Variants in CACNB2 observed in about 807,000 individuals in gnomAD.
CACNB2 encodes voltage-dependent L-type calcium channel subunit beta-2.
Under a neutral mutation model 73.3 loss-of-function variants are expected in CACNB2, and 42 were observed. The observed-to-expected ratio is 0.57, with a 90% CI of 0.45 to 0.74. The LOEUF (loss-of-function observed/expected upper bound fraction) is 0.74, where lower values mean the gene tolerates loss of function less well. Ranked by LOEUF, CACNB2 falls within the 30% of genes least tolerant of loss-of-function variation. The probability of loss-of-function intolerance (pLI) is 0.00; values close to 1 mark genes in which losing one functional copy is unlikely to be tolerated. For synonymous variants in CACNB2, 348 were observed against 310.3 expected (o/e 1.12, Z -1.28); for missense variants, 940 against 853.0 (o/e 1.10, Z -1.27).
chr10:18,218,617 C>T (rs2035605487), intron 2 of CACNB2, among the ~76,000 whole-genome samples: 1 of 152,190 alleles, frequency 6.6e-6, no homozygotes. Context: ...CACAGTGGCT[C>T]ATGCCTGTAA....
intron 2 of CACNB2, among the ~76,000 whole-genome samples, chr10:18,342,461 T>A (rs2041271758): frequency 1.3e-5 from 2 of 152,220 alleles, no homozygotes; most frequent in South Asian, 4.1e-4. Flanking sequence ...GATCTGTGTC[T>A]ACAGAAATAA....
chr10:18,340,812 G>A, intron 2 of CACNB2: 2 of 1,607,754 alleles, frequency 1.2e-6, no homozygotes, highest in Non-Finnish European at 1.7e-6. Context: ...AAGGAAAGCA[G>A]TTGCTATGCT....
At chr10:18,153,553 C>T (rs10740993) in intron 2 of CACNB2, among the ~76,000 whole-genome samples, 75,513 of 150,672 alleles carry the variant, frequency 0.5, 19,272 homozygotes, top group African/African-American at 0.6. Flanking sequence ...AATGGGCACA[C>T]TAGATTTTAC....
chr10:18,412,444 C>T (rs2044688342), intron 3 of CACNB2, among the ~76,000 whole-genome samples: 1 of 152,130 alleles, frequency 6.6e-6, no homozygotes, highest in Non-Finnish European at 1.5e-5. Flanking sequence ...CCAACCTTAT[C>T]ACCCCAGGCT....
chr10:18,506,338 T>G, intron 5 of CACNB2, 133 bp from the exon 6 acceptor site: 1 of 684,156 alleles, frequency 1.5e-6, no homozygotes, highest in South Asian at 1.6e-5. Context: ...TGGGAAATAT[T>G]GTTTTCCTCC....
intron 2 of CACNB2, among the ~76,000 whole-genome samples, chr10:18,184,747 A>G (rs2034070067): frequency 6.8e-6 from 1 of 147,242 alleles, no homozygotes; most frequent in African/African-American, 2.5e-5. Flanking sequence ...AAGTTCTAGG[A>G]TACAGGTGCA....
intron 2 of CACNB2, among the ~76,000 whole-genome samples, chr10:18,344,076 A>C (rs1284089113): frequency 6.6e-6 from 1 of 151,958 alleles, no homozygotes; most frequent in Non-Finnish European, 1.5e-5. Context: ...CAAAAAAAAA[A>C]AAAAAAAGAA....
At chr10:18,413,559 A>C (rs1271349166) in intron 3 of CACNB2, among the ~76,000 whole-genome samples, 2 of 151,900 alleles carry the variant, frequency 1.3e-5, no homozygotes, top group Non-Finnish European at 2.9e-5. Context: ...TTCCATTCTC[A>C]TTACCTCCAT....
intron 2 of CACNB2, among the ~76,000 whole-genome samples, chr10:18,238,961 G>A (rs540166564): frequency 6.6e-6 from 1 of 152,134 alleles, no homozygotes; most frequent in Admixed American, 6.5e-5. Flanking sequence ...TTACAGAGGC[G>A]ATGTGAACCC....
chr10:18,457,033 T>C (rs2047317634), intron 3 of CACNB2, among the ~76,000 whole-genome samples: 1 of 152,166 alleles, frequency 6.6e-6, no homozygotes, highest in Admixed American at 6.5e-5. Context: ...ATCATGACTT[T>C]TGGCTACTGT....
chr10:18,378,735 CT>C (rs1221912499), intron 2 of CACNB2, among the ~76,000 whole-genome samples: 1 of 152,010 alleles, frequency 6.6e-6, no homozygotes, highest in Non-Finnish European at 1.5e-5. Flanking sequence ...TGGGGAAACC[CT>C]GTCTCAAAAA....
chr10:18,221,786 T>C (rs1050430471), intron 2 of CACNB2, among the ~76,000 whole-genome samples: 4 of 152,248 alleles, frequency 2.6e-5, no homozygotes, highest in Admixed American at 2.6e-4. Context: ...GAAAATCATA[T>C]CTTTCTCTCC....
At chr10:18,419,647 G>A (rs111435242) in intron 3 of CACNB2, among the ~76,000 whole-genome samples, 2 of 152,274 alleles carry the variant, frequency 1.3e-5, no homozygotes, top group African/African-American at 4.8e-5. Context: ...GTTCTTGAAT[G>A]TCACATGGGA....
At chr10:18,290,855 C>T (rs1178906342) in intron 2 of CACNB2, among the ~76,000 whole-genome samples, 1 of 152,178 alleles carries the variant, frequency 6.6e-6, no homozygotes, top group Admixed American at 6.5e-5. Context: ...CCTGGATCTG[C>T]GCTGTTAATC....
chr10:18,358,963 A>C (rs2042041821), intron 2 of CACNB2, among the ~76,000 whole-genome samples: 1 of 152,106 alleles, frequency 6.6e-6, no homozygotes, highest in African/African-American at 2.4e-5. Flanking sequence ...TCTCTTATGC[A>C]ATCTTTTTTA....
chr10:18,140,971 C>A (rs1688488277), intron 1 of CACNB2, 115 bp downstream of exon 1: 1 of 1,518,200 alleles, frequency 6.6e-7, no homozygotes, highest in Non-Finnish European at 8.8e-7. Context: ...CTCCTCCCCT[C>A]GTCGCCTGCC....
intron 2 of CACNB2, chr10:18,238,380 G>A (rs911922267): frequency 6.6e-6 from 1 of 152,094 alleles, no homozygotes; most frequent in Non-Finnish European, 1.5e-5. Context: ...GAAAGCCATC[G>A]TTTTGAGATT....
intron 2 of CACNB2, among the ~76,000 whole-genome samples, chr10:18,331,090 A>G (rs1270161130): frequency 6.6e-6 from 1 of 151,304 alleles, no homozygotes; most frequent in African/African-American, 2.4e-5. Context: ...GGTTCAGGTG[A>G]TTCTCCCGCC....
intron 2 of CACNB2, among the ~76,000 whole-genome samples, chr10:18,362,550 T>C (rs1438027158): frequency 6.6e-6 from 1 of 152,174 alleles, no homozygotes; most frequent in Admixed American, 6.5e-5. Context: ...ATCTTTTAAG[T>C]ATAAGAAAAA....
Sources: allele counts gnomAD v4.1 joint callset (sites outside exome capture counted in the v4.1 genomes callset), GRCh38; gene constraint gnomAD v4.1.1; transcripts MANE v1.5; gene names NCBI Gene and HGNC (gene_info 2026-07-23, HGNC 2026-07-21).